The following MAGI1 variants were observed in gnomAD, a reference collection of about 807,000 sequenced individuals.
MAGI1 encodes membrane-associated guanylate kinase, WW and PDZ domain-containing protein 1.
MAGI1 carries 58 observed loss-of-function variants against 139.9 expected under a neutral mutation model. That is an observed-to-expected ratio of 0.41 (90% CI 0.34 to 0.52). MAGI1 has a LOEUF of 0.52. Among genes scored for constraint, MAGI1 ranks in the 20% least tolerant of loss-of-function variants. MAGI1 has a pLI of 0.12. For missense variants in MAGI1, 1,874 were observed against 1,901.6 expected, an observed-to-expected ratio of 0.99 and a Z score of 0.27; for synonymous variants, 812 against 737.9, an observed-to-expected ratio of 1.10 and a Z score of -1.63.
chr3:65,385,307 G>C (rs1943358522), intron 14 of MAGI1, among the ~76,000 whole-genome samples: 1 of 151,976 alleles, frequency 6.6e-6, no homozygotes, highest in South Asian at 2.1e-4. Flanking sequence ...TATACATAGG[G>C]TGTTTTATGA....
At chr3:65,427,224 A>T (rs1404024872) in intron 12 of MAGI1, among the ~76,000 whole-genome samples, 1 of 152,142 alleles carries the variant, frequency 6.6e-6, no homozygotes, top group Non-Finnish European at 1.5e-5. Context: ...AGGCAGGAAG[A>T]TCGCTTGAAA....
At chr3:65,841,093 C>T (rs2058787409) in intron 1 of MAGI1, among the ~76,000 whole-genome samples, 1 of 152,120 alleles carries the variant, frequency 6.6e-6, no homozygotes, top group African/African-American at 2.4e-5. Context: ...TTCCCCTAGA[C>T]GTTTTTGGTA....
Position 65,361,756 on chromosome 3 carries a change from C to T in MAGI1, c.3496-419G>A, listed in dbSNP as rs374598251. On this transcript the variant is annotated intron_variant, in intron 21 of 22. Coordinates refer to ENST00000402939, the MANE Select transcript of MAGI1 (RefSeq NM_001033057.2). ...AGATCAGGTCATAAAACGATTTTGT[C>T]ATCTGTCTTACTTGCCCTCTTTTCT... Among the ~76,000 whole-genome samples the T allele has an allele frequency of 2.1e-4, 32 of 152,298 alleles. No individual in the cohort carries two copies. In the South Asian group the frequency reaches 6.4e-3, roughly 31 times the overall value.
At chr3:66,033,052 G>A (rs972453142) in intron 1 of MAGI1, among the ~76,000 whole-genome samples, 3 of 151,636 alleles carry the variant, frequency 2.0e-5, no homozygotes, top group African/African-American at 7.3e-5. Flanking sequence ...GTGTGAGATG[G>A]GGGTCTCACT....
chr3:65,750,879 G>C lies in MAGI1; in HGVS notation c.314-128791C>G, dbSNP rs184595052. Among the ~76,000 whole-genome samples, 185 of 152,218 alleles carry C rather than the reference G, an allele frequency of 1.2e-3. No homozygotes were observed. The Middle Eastern group carries it at 0.014, about 11-fold the overall frequency. On this transcript the variant is annotated intron_variant, in intron 1 of 22. Transcript: ENST00000402939. Reference sequence around the variant, plus strand: ...CATAGTACTACTTGAAATTTTTGCAGGAAAAGAAAGAATATTACAGTGCTA... The same window carrying C: ...CATAGTACTACTTGAAATTTTTGCACGAAAAGAAAGAATATTACAGTGCTA...
intron 12 of MAGI1, among the ~76,000 whole-genome samples, chr3:65,418,527 C>T (rs1946399663): frequency 6.6e-6 from 1 of 152,150 alleles, no homozygotes; most frequent in Admixed American, 6.5e-5. Flanking sequence ...CCAAGGCCTA[C>T]CCCTTCTCAC....
At chr3:65,980,524 C>A (rs1472159687) in intron 1 of MAGI1, among the ~76,000 whole-genome samples, 1 of 146,914 alleles carries the variant, frequency 6.8e-6, no homozygotes, top group Non-Finnish European at 1.5e-5. Context: ...GATCGCCCTA[C>A]TGTGTACTCC....
chr3:65,606,951 C>G (rs1054334721), intron 2 of MAGI1, among the ~76,000 whole-genome samples: 1 of 152,164 alleles, frequency 6.6e-6, no homozygotes, highest in African/African-American at 2.4e-5. Flanking sequence ...AGCCACCACT[C>G]CTGACCTAAG....
chr3:65,969,379 T>C (rs887438846), intron 1 of MAGI1, among the ~76,000 whole-genome samples: 2 of 152,166 alleles, frequency 1.3e-5, no homozygotes, highest in Non-Finnish European at 2.9e-5. Context: ...CTGTGCATTG[T>C]AGAATGTTTA....
chr3:65,410,682 T>G (rs1048608158), intron 12 of MAGI1, among the ~76,000 whole-genome samples: 1 of 152,210 alleles, frequency 6.6e-6, no homozygotes, highest in Non-Finnish European at 1.5e-5. Context: ...TTTCTACAGA[T>G]AGCCGAAGAG....
intron 1 of MAGI1, among the ~76,000 whole-genome samples, chr3:65,643,341 G>GT (rs2085083270): frequency 6.6e-6 from 1 of 152,166 alleles, no homozygotes; most frequent in Admixed American, 6.5e-5. Context: ...GCTCTTGTTA[G>GT]TAAGTGTTCT....
At chr3:65,741,577 A>G (rs537277096) in intron 1 of MAGI1, among the ~76,000 whole-genome samples, 21 of 152,324 alleles carry the variant, frequency 1.4e-4, no homozygotes, top group Admixed American at 6.5e-4. Flanking sequence ...AAAATTTACA[A>G]AAGAACTTAA....
rs1472065116 is a variant in MAGI1 at position 65,823,377 on chromosome 3, T to C, written c.314-201289A>G. 3.0e-5 allele frequency among the ~76,000 whole-genome samples: 4 copies of C among 134,782 alleles called. No homozygotes were observed. The East Asian group carries it at 1.1e-3, about 37-fold the overall frequency. The allele number at this position is 134,782 out of a possible 152,430, so 88.4% of individuals were successfully genotyped here. A position where few individuals can be genotyped will look rare whatever the true frequency, so the allele number is the denominator to read the frequency against. On this transcript the variant is annotated intron_variant, in intron 1 of 22. Coordinates refer to ENST00000402939, the MANE Select transcript of MAGI1 (RefSeq NM_001033057.2). ...TCAAAAGCAGGGATGTTAGCTATCT[T>C]GTTCTGTTCTATTTCCAGTGCCCAG...
intron 12 of MAGI1, among the ~76,000 whole-genome samples, chr3:65,406,526 T>C (rs1945352984): frequency 6.6e-6 from 1 of 152,190 alleles, no homozygotes; most frequent in South Asian, 2.1e-4. Flanking sequence ...TTTTTCATTG[T>C]GATATTCATT....
intron 2 of MAGI1, among the ~76,000 whole-genome samples, chr3:65,584,087 A>G (rs1219269349): frequency 2.3e-4 from 5 of 21,562 alleles, no homozygotes; most frequent in African/African-American, 3.1e-4. Flanking sequence ...TCTACTCTTG[A>G]AAAAAAAAAA....
intron 5 of MAGI1, among the ~76,000 whole-genome samples, chr3:65,453,715 T>C (rs1381770935): frequency 2.6e-5 from 4 of 152,244 alleles, no homozygotes; most frequent in African/African-American, 4.8e-5. Context: ...AGTATATCTA[T>C]GACTTGAGTC....
intron 1 of MAGI1, among the ~76,000 whole-genome samples, chr3:65,712,985 A>G (rs974839548): frequency 6.6e-6 from 1 of 152,202 alleles, no homozygotes; most frequent in Admixed American, 6.5e-5. Context: ...CCAATTAAAT[A>G]TTCATTCAGG....
At chr3:65,799,152 T>C (rs1247384573) in intron 1 of MAGI1, among the ~76,000 whole-genome samples, 1 of 152,204 alleles carries the variant, frequency 6.6e-6, no homozygotes, top group Non-Finnish European at 1.5e-5. Flanking sequence ...CTGAGCTCTA[T>C]AGTATTCTAT....
intron 5 of MAGI1, among the ~76,000 whole-genome samples, chr3:65,456,864 C>G (rs1206310149): frequency 6.6e-6 from 1 of 152,252 alleles, no homozygotes; most frequent in South Asian, 2.1e-4. Flanking sequence ...CTGGTTCTGC[C>G]TTCTGTCCCA....
Sources: gnomAD v4.1 joint callset for allele counts (sites outside exome capture counted in the v4.1 genomes callset) on GRCh38, gnomAD v4.1.1 for gene constraint, MANE v1.5 for transcripts, NCBI Gene and HGNC (gene_info 2026-07-23, HGNC 2026-07-21) for gene names.